The following PTPRD variants were observed in gnomAD, a reference collection of about 807,000 sequenced individuals.
PTPRD encodes receptor-type tyrosine-protein phosphatase delta.
PTPRD carries 34 observed loss-of-function variants against 214.5 expected under a neutral mutation model. That is an observed-to-expected ratio of 0.16 (90% confidence interval 0.12 to 0.21). PTPRD has a LOEUF of 0.21. Among genes scored for constraint, PTPRD ranks in the 10% least tolerant of loss-of-function variants. PTPRD has a pLI of 1.00. For synonymous variants in PTPRD, 1,128 were observed against 845.7 expected (o/e 1.33, Z -5.79); for missense variants, 2,545 against 2,398.7 (o/e 1.06, Z -1.27).
chr9:8,758,578 A>G (rs1365907301), intron 11 of PTPRD, among the ~76,000 whole-genome samples: 1 of 152,196 alleles, frequency 6.6e-6, no homozygotes, highest in Non-Finnish European at 1.5e-5. Flanking sequence ...ACACAGAAGT[A>G]ACAAAGAAGC....
intron 10 of PTPRD, among the ~76,000 whole-genome samples, chr9:9,113,526 G>A (rs774204984): frequency 1.3e-5 from 2 of 151,978 alleles, no homozygotes; most frequent in Non-Finnish European, 2.9e-5. Flanking sequence ...TCATTTCTAT[G>A]GCATTAAGAG....
intron 9 of PTPRD, among the ~76,000 whole-genome samples, chr9:9,395,705 T>A (rs934038218): frequency 6.6e-6 from 1 of 152,078 alleles, no homozygotes; most frequent in Non-Finnish European, 1.5e-5. Flanking sequence ...CTCAGTAATC[T>A]TGAGATCTGA....
At chr9:10,040,177 T>C (rs2097269488) in intron 3 of PTPRD, among the ~76,000 whole-genome samples, 3 of 152,070 alleles carry the variant, frequency 2.0e-5, no homozygotes, top group Non-Finnish European at 4.4e-5. Flanking sequence ...GAGCAAGCTT[T>C]TTTTGGTTAA....
At chr9:9,417,538 C>T (rs2077354510) in intron 8 of PTPRD, among the ~76,000 whole-genome samples, 1 of 152,010 alleles carries the variant, frequency 6.6e-6, no homozygotes, top group Non-Finnish European at 1.5e-5. Flanking sequence ...CCAGTTCATT[C>T]TTTCTAATTA....
intron 14 of PTPRD, 37 bp downstream of exon 14, chr9:8,633,280 C>G (rs2154320018): frequency 6.3e-7 from 1 of 1,599,274 alleles, no homozygotes; most frequent in East Asian, 2.2e-5. Context: ...AGAATTGTAA[C>G]AATGACACAA....
At chr9:8,587,058 G>T (rs1373994175) in intron 14 of PTPRD, among the ~76,000 whole-genome samples, 1 of 152,162 alleles carries the variant, frequency 6.6e-6, no homozygotes, top group Non-Finnish European at 1.5e-5. Flanking sequence ...GCTGAGGCAG[G>T]AGAATGGTGT....
intron 10 of PTPRD, among the ~76,000 whole-genome samples, chr9:9,175,632 A>AAC (rs2099924297): frequency 6.7e-6 from 1 of 149,480 alleles, no homozygotes; most frequent in Admixed American, 6.6e-5. Flanking sequence ...CAAAAAAAAA[A>AAC]AAAAAAAAAA....
chr9:9,962,848 G>C (rs1012572685), intron 4 of PTPRD, among the ~76,000 whole-genome samples: 1 of 151,968 alleles, frequency 6.6e-6, no homozygotes, highest in Admixed American at 6.6e-5. Flanking sequence ...AGAAAATATA[G>C]TAGCACAATT....
rs2097976790 is a variant in PTPRD at position 8,524,796 on chromosome 9, A to C, written c.679+129T>G. On this transcript the variant is annotated intron_variant, in intron 18 of 45. Transcript: ENST00000381196. ...ATTTTTAACTTTTCTATTTACTAAC[A>C]TGTTTCAGCTACGGTCACTATTACC... 5 of 811,072 alleles carry C rather than the reference A, an allele frequency of 6.2e-6. No individual in the cohort carries two copies. The South Asian group carries it at 6.7e-5, about 11-fold the overall frequency. 50.2% of individuals were successfully genotyped at this position (811,072 alleles called of 1,614,324 possible). A position where few individuals can be genotyped will look rare whatever the true frequency, so the allele number is the denominator to read the frequency against.
chr9:8,923,576 G>GT (rs2098843351), intron 11 of PTPRD, among the ~76,000 whole-genome samples: 1 of 152,182 alleles, frequency 6.6e-6, no homozygotes, highest in Admixed American at 6.5e-5. Context: ...TGTTTACATT[G>GT]TTTTTATGGA....
chr9:10,527,880 G>T (rs762234734), intron 2 of PTPRD, among the ~76,000 whole-genome samples: 3 of 152,114 alleles, frequency 2.0e-5, no homozygotes, highest in Non-Finnish European at 4.4e-5. Context: ...TTATGAGAAA[G>T]ATAATTATGT....
chr9:10,268,081 C>A (rs528806150), intron 3 of PTPRD, among the ~76,000 whole-genome samples: 1 of 150,740 alleles, frequency 6.6e-6, no homozygotes, highest in East Asian at 1.9e-4. Flanking sequence ...AGTTCAAGAC[C>A]AACCTAAGCA....
chr9:8,357,389 G>C (rs1049932711), intron 39 of PTPRD, among the ~76,000 whole-genome samples: 1 of 152,156 alleles, frequency 6.6e-6, no homozygotes, highest in Admixed American at 6.5e-5. Flanking sequence ...CAAATGCCTT[G>C]GCAGCCTCAC....
At chr9:9,367,179 C>G (rs2058116514) in intron 9 of PTPRD, among the ~76,000 whole-genome samples, 2 of 151,250 alleles carry the variant, frequency 1.3e-5, no homozygotes, top group Non-Finnish European at 3.0e-5. Flanking sequence ...AATTTATATT[C>G]TGATGAAATG....
chr9:9,731,286 C>T (rs948994351), intron 7 of PTPRD, among the ~76,000 whole-genome samples: 1 of 151,940 alleles, frequency 6.6e-6, no homozygotes, highest in Non-Finnish European at 1.5e-5. Flanking sequence ...CAATAGTACT[C>T]TGGTTTTAAT....
At chr9:8,463,956 T>C (rs980736576) in intron 32 of PTPRD, among the ~76,000 whole-genome samples, 1 of 151,932 alleles carries the variant, frequency 6.6e-6, no homozygotes, top group African/African-American at 2.4e-5. Context: ...ATAAATATCA[T>C]AGATATTTGA....
At chr9:9,893,302 T>A (rs1022352803) in intron 5 of PTPRD, among the ~76,000 whole-genome samples, 1 of 152,002 alleles carries the variant, frequency 6.6e-6, no homozygotes, top group Admixed American at 6.6e-5. Flanking sequence ...TAAATTGGGC[T>A]AAATGCTCCC....
chr9:8,993,789 T>C (rs1480834258), intron 11 of PTPRD, among the ~76,000 whole-genome samples: 2 of 152,130 alleles, frequency 1.3e-5, no homozygotes, highest in African/African-American at 4.8e-5. Flanking sequence ...TCTTTCTTTA[T>C]GAAATGTTTA....
At chr9:8,928,471 A>C (rs937790692) in intron 11 of PTPRD, among the ~76,000 whole-genome samples, 3 of 152,096 alleles carry the variant, frequency 2.0e-5, no homozygotes, top group Non-Finnish European at 4.4e-5. Flanking sequence ...TCCTTTCCCC[A>C]TTGCTTTTTT....
Sources: gnomAD v4.1 joint callset for allele counts (sites outside exome capture counted in the v4.1 genomes callset) on GRCh38, gnomAD v4.1.1 for gene constraint, MANE v1.5 for transcripts, NCBI Gene and HGNC (gene_info 2026-07-23, HGNC 2026-07-21) for gene names.